Variants in CUL5 observed in about 807,000 individuals in gnomAD.
CUL5 encodes cullin 5.
Under a neutral mutation model 108.8 loss-of-function variants are expected in CUL5, and 26 were observed. The observed-to-expected ratio is 0.24, with a 90% CI of 0.18 to 0.33. CUL5 has a LOEUF of 0.33. Among genes scored for constraint, CUL5 ranks in the 10% least tolerant of loss-of-function variants. The pLI is 1.00. For synonymous variants in CUL5, 334 were observed against 298.0 expected (o/e 1.12, Z -1.25); for missense variants, 524 against 909.2 (o/e 0.58, Z 5.45).
At chr11:108,072,484 A>G (rs373710434) in intron 9 of CUL5, 22 bp downstream of exon 9, 18 of 1,583,340 alleles carry the variant, frequency 1.1e-5, no homozygotes, top group Non-Finnish European at 1.6e-5. Context: ...TTCAATGGCA[A>G]TGATAGATAT....
rs1446111834 is a variant in CUL5, at chr11:108,020,564, T to TA, written c.24+11193dup. On this transcript the variant is annotated intron_variant, in intron 1 of 18. Transcript: ENST00000393094. ...TTTTTTTTTTGTTTTTTGTTTAAAA[T>TA]AGAGACAGGGTCTCACCACGTTGCC... 4.6e-5 allele frequency among the ~76,000 whole-genome samples: 7 copies of TA among 151,072 alleles called. No individual in the cohort carries two copies. In the East Asian group the frequency reaches 1.4e-3, roughly 29 times the overall value.
intron 2 of CUL5, among the ~76,000 whole-genome samples, chr11:108,035,574 T>TAAA (rs35833167): frequency 7.1e-6 from 1 of 141,570 alleles, no homozygotes; most frequent in Non-Finnish European, 1.5e-5. Context: ...CCCTGTCTCT[T>TAAA]AAAAAAAAAA....
intron 16 of CUL5, among the ~76,000 whole-genome samples, chr11:108,096,892 T>C (rs1396528896): frequency 6.6e-6 from 1 of 152,066 alleles, no homozygotes; most frequent in Non-Finnish European, 1.5e-5. Context: ...ATACTGAGAA[T>C]GTGTTCAAAG....
At chr11:108,058,245 CTTTTT>C (rs771714382) in intron 7 of CUL5, among the ~76,000 whole-genome samples, 1 of 100,114 alleles carries the variant, frequency 1.0e-5, no homozygotes, top group Non-Finnish European at 1.9e-5. Flanking sequence ...TGAAGAGTGC[CTTTTT>C]TTTTTTTTTT....
chr11:108,041,043 G>A (rs1420717346), intron 2 of CUL5, among the ~76,000 whole-genome samples: 3 of 152,134 alleles, frequency 2.0e-5, no homozygotes, highest in Non-Finnish European at 4.4e-5. Flanking sequence ...TACAAAGGTA[G>A]GTTTGTTTTT....
chr11:108,022,958 T>G (rs1013582834), intron 1 of CUL5, among the ~76,000 whole-genome samples: 1 of 152,212 alleles, frequency 6.6e-6, no homozygotes, highest in Non-Finnish European at 1.5e-5. Context: ...ATTAGAAATA[T>G]CCTTTCCTGG....
At chr11:108,050,429 C>T (rs1385032732) in intron 4 of CUL5, among the ~76,000 whole-genome samples, 3 of 151,430 alleles carry the variant, frequency 2.0e-5, no homozygotes, top group Non-Finnish European at 2.9e-5. Flanking sequence ...TGTGCAGTGG[C>T]GCAGTCTGCT....
At chr11:108,041,822 C>T (rs1430969192) in intron 2 of CUL5, among the ~76,000 whole-genome samples, 2 of 152,084 alleles carry the variant, frequency 1.3e-5, no homozygotes, top group African/African-American at 4.8e-5. Context: ...GAACTCCTAA[C>T]CTCAGGTGAT....
At chr11:108,029,985 G>A (rs1862539618) in intron 1 of CUL5, among the ~76,000 whole-genome samples, 1 of 152,108 alleles carries the variant, frequency 6.6e-6, no homozygotes, top group Non-Finnish European at 1.5e-5. Flanking sequence ...TGTTAAGAAG[G>A]TATTCTTTTT....
At chr11:108,087,809 T>C (rs1480410930) in intron 11 of CUL5, among the ~76,000 whole-genome samples, 1 of 151,854 alleles carries the variant, frequency 6.6e-6, no homozygotes, top group African/African-American at 2.4e-5. Flanking sequence ...TGCTAAAAAT[T>C]CAAAAATTAG....
intron 2 of CUL5, among the ~76,000 whole-genome samples, chr11:108,045,921 A>C (rs931611563): frequency 2.0e-5 from 3 of 152,200 alleles, no homozygotes; most frequent in African/African-American, 7.2e-5. Flanking sequence ...GTATACATCT[A>C]TTGTGTTAAA....
intron 1 of CUL5, among the ~76,000 whole-genome samples, chr11:108,011,628 AT>A (rs1282039694): frequency 1.4e-3 from 205 of 145,630 alleles, no homozygotes; most frequent in African/African-American, 2.1e-3. Flanking sequence ...TTTCTTTTTA[AT>A]TTTTTTTTTT....
chr11:108,069,171 C>T (rs1206761034), intron 7 of CUL5, among the ~76,000 whole-genome samples: 2 of 152,122 alleles, frequency 1.3e-5, no homozygotes, highest in African/African-American at 2.4e-5. Flanking sequence ...GCAGGAGGAT[C>T]ACTTGAGCCT....
At chr11:108,070,002 T>A in intron 7 of CUL5, 94 bp from the exon 8 acceptor site, 2 of 722,534 alleles carry the variant, frequency 2.8e-6, no homozygotes, top group South Asian at 4.9e-5. Context: ...TATAATTTTT[T>A]TTTTGTTGAA....
intron 1 of CUL5, among the ~76,000 whole-genome samples, chr11:108,021,196 A>G (rs901827480): frequency 2.0e-5 from 3 of 152,242 alleles, no homozygotes; most frequent in Middle Eastern, 3.2e-3. Flanking sequence ...TTAACGATGC[A>G]TTTCTCAGAA....
Position 108,092,378 on chromosome 11 carries a change from T to C in CUL5, c.1444-2013T>C, listed in dbSNP as rs1401063039. 3.3e-5 allele frequency among the ~76,000 whole-genome samples: 5 copies of C among 152,194 alleles called. No individual in the cohort carries two copies. In the East Asian group the frequency reaches 9.6e-4, roughly 29 times the overall value. ...ATTCATTTGAAGAGAAATGAAAACA[T>C]GTTTCATGTAAAAACTTGTAAACAA... On this transcript the variant is annotated intron_variant, in intron 13 of 18. Coordinates refer to ENST00000393094, the MANE Select transcript of CUL5 (RefSeq NM_003478.6).
At position 108,054,891 on chromosome 11, in the gene CUL5, A is replaced by T. The variant is rs1408726538; in HGVS notation, c.716A>T (p.Lys239Ile). Residue 239 changes from lysine to isoleucine, a missense_variant, in exon 7 of 19, where the codon AAA becomes ATA. Physicochemically the swap from Lys to Ile is moderately radical, Grantham distance 102. Coordinates refer to ENST00000393094, the MANE Select transcript of CUL5 (RefSeq NM_003478.6). Reference sequence around the variant, plus strand: ...TCTGGACAGGCAGATGCTAAATTAAAAGAAGAAGAAAAACGAGCACTACGT... The same window carrying T: ...TCTGGACAGGCAGATGCTAAATTAATAGAAGAAGAAAAACGAGCACTACGT... ...NYMKYADAKL[K>I]EEEKRALRYL... The T allele has an allele frequency of 6.2e-7, 1 of 1,608,880 alleles. No homozygotes were observed. The highest frequency in any genetic ancestry group is 8.5e-7 in the Non-Finnish European group (1 of 1,178,776).
At chr11:108,057,295 T>C (rs757138844) in intron 7 of CUL5, among the ~76,000 whole-genome samples, 29 of 152,136 alleles carry the variant, frequency 1.9e-4, no homozygotes, top group Non-Finnish European at 3.8e-4. Flanking sequence ...CCCAGAGTGC[T>C]AGGATTACAG....
At chr11:108,067,524 G>A (rs1481592093) in intron 7 of CUL5, among the ~76,000 whole-genome samples, 1 of 151,120 alleles carries the variant, frequency 6.6e-6, no homozygotes, top group East Asian at 1.9e-4. Context: ...GATATTTTTT[G>A]TTCTGTCCTA....
Sources: allele counts gnomAD v4.1 joint callset (sites outside exome capture counted in the v4.1 genomes callset), GRCh38; gene constraint gnomAD v4.1.1; transcripts MANE v1.5; gene names NCBI Gene and HGNC (gene_info 2026-07-23, HGNC 2026-07-21).